GCN1: variants seen among roughly 807,000 people sequenced by gnomAD.
GCN1 encodes stalled ribosome sensor GCN1.
In GCN1, 90 loss-of-function variants were observed where a neutral mutation model predicts 288.4. The ratio of observed to expected loss-of-function variants is 0.31; its 90% CI spans 0.26 to 0.37. GCN1 has a LOEUF of 0.37. Ranked by LOEUF, GCN1 falls within the 10% of genes least tolerant of loss-of-function variation. GCN1 has a pLI of 1.00. For missense variants in GCN1, 2,586 were observed against 3,419.9 expected, an observed-to-expected ratio of 0.76 and a Z score of 6.08; for synonymous variants, 1,386 against 1,420.2, an observed-to-expected ratio of 0.98 and a Z score of 0.54.
intron 2 of GCN1, among the ~76,000 whole-genome samples, chr12:120,185,894 C>T (rs1315406243): frequency 1.3e-5 from 2 of 152,076 alleles, no homozygotes; most frequent in Non-Finnish European, 2.9e-5. Flanking sequence ...CCATCGCACC[C>T]GGATTAAGCC....
chr12:120,177,590 A>G, intron 8 of GCN1, 35 bp from the exon 9 acceptor site: 2 of 1,547,496 alleles, frequency 1.3e-6, no homozygotes, highest in Non-Finnish European at 1.8e-6. Context: ...CCTAGCCCTC[A>G]TGGGAACGGA....
chr12:120,131,094 G>A (rs1876802067), intron 55 of GCN1, 91 bp downstream of exon 55: 3 of 1,155,452 alleles, frequency 2.6e-6, no homozygotes, highest in Admixed American at 1.9e-5. Flanking sequence ...AGCTTCTTAA[G>A]CCCCAGTCTG....
chr12:120,182,838 G>T (rs1209963272), intron 5 of GCN1, among the ~76,000 whole-genome samples: 1 of 151,660 alleles, frequency 6.6e-6, no homozygotes, highest in Non-Finnish European at 1.5e-5. Flanking sequence ...CACTCGGGAG[G>T]CTGAGGCAAG....
At chr12:120,141,138 T>A in intron 44 of GCN1, 115 bp from the exon 45 acceptor site, 1 of 857,844 alleles carries the variant, frequency 1.2e-6, no homozygotes, top group Non-Finnish European at 1.8e-6. Context: ...ATCACTGACT[T>A]AACTTCCCCA....
intron 33 of GCN1, among the ~76,000 whole-genome samples, chr12:120,152,669 T>C (rs144962652): frequency 2.2e-3 from 304 of 139,156 alleles, no homozygotes; most frequent in African/African-American, 7.5e-3. Context: ...AAAATATATA[T>C]ATATAAATAT....
intron 54 of GCN1, among the ~76,000 whole-genome samples, chr12:120,131,696 C>T (rs1389544221): frequency 6.6e-6 from 1 of 152,220 alleles, no homozygotes; most frequent in Non-Finnish European, 1.5e-5. Context: ...TCACTGCAAC[C>T]TTCAACTCTT....
chr12:120,163,229 C>T lies in GCN1; in HGVS notation c.1879G>A (p.Ala627Thr). ...TTGCCTGCCTCAGTCACCTCTCCAGCATCAGTCACCAAAGCCTCTAAGGGC... is the reference window on the plus strand; with the variant it reads ...TTGCCTGCCTCAGTCACCTCTCCAGTATCAGTCACCAAAGCCTCTAAGGGC... ...VLPLEALVTD[A>T]GEVTEAGKAY... The change falls in exon 19 of 58, where the codon GCT becomes ACT. Residue 627 changes from alanine (A) to threonine (T), a missense_variant. Ala to Thr is a moderately conservative substitution (Grantham distance 58, BLOSUM62 0). Around this residue, in one of 8 missense-constraint regions of GCN1, gnomAD observed 913 missense variants for 1,107.0 expected, o/e 0.82. Coordinates refer to ENST00000300648, the MANE Select transcript of GCN1 (RefSeq NM_006836.2). 6.2e-7 allele frequency: 1 copy of T among 1,614,100 alleles called. No individual in the cohort carries two copies. Among genetic ancestry groups the T allele is most frequent in the Non-Finnish European group, 8.5e-7 (1 of 1,179,962 alleles).
intron 16 of GCN1, among the ~76,000 whole-genome samples, chr12:120,165,125 C>T (rs369097238): frequency 6.6e-6 from 1 of 151,836 alleles, no homozygotes; most frequent in South Asian, 2.1e-4. Context: ...GGGCTTACTG[C>T]AAGCTCCGCC....
Position 120,158,135 on chromosome 12 carries a change from G to T in GCN1, c.2906-105C>A. 2 of 1,136,292 alleles carry T rather than the reference G, an allele frequency of 1.8e-6. No individual in the cohort carries two copies. The highest frequency in any genetic ancestry group is 2.5e-6 in the Non-Finnish European group (2 of 792,790). The allele number at this position is 1,136,292 out of a possible 1,614,324, so 70.4% of individuals were successfully genotyped here. A position where few individuals can be genotyped will look rare whatever the true frequency, so the allele number is the denominator to read the frequency against. ...AAAGTAGGGAACGGATGGACCAGAG[G>T]CCCGTTCTGACACCTGGAAGCACAT... On this transcript the variant is annotated intron_variant, in intron 25 of 57. Transcript: ENST00000300648. The surrounding 1 kb of genome is among the most constrained non-coding windows in gnomAD (Gnocchi z 4.3).
At position 120,147,281 on chromosome 12, in the gene GCN1, C is replaced by T. The variant is rs745319593; in HGVS notation, c.4727-9G>A. 2.6e-6 allele frequency: 4 copies of T among 1,545,016 alleles called. No individual in the cohort carries two copies. Among genetic ancestry groups the T allele is most frequent in the Non-Finnish European group, 2.7e-6 (3 of 1,126,674 alleles). On this transcript the variant is annotated splice_polypyrimidine_tract_variant and intron_variant, in intron 37 of 57. Transcript: ENST00000300648. ...GAGGACTGGAGCAATGGCTGCACAT[C>T]CAAAGAGAAGAGAGCTGGATGATAT...
rs1479440705 is a variant in GCN1, at chr12:120,138,977, C to T, written c.5995-121G>A. 4 of 783,620 alleles carry T rather than the reference C, an allele frequency of 5.1e-6. No individual in the cohort carries two copies. In the Admixed American group the frequency reaches 1.0e-4, roughly 20 times the overall value. The allele number at this position is 783,620 out of a possible 1,614,324, so 48.5% of individuals were successfully genotyped here. A position where few individuals can be genotyped will look rare whatever the true frequency, so the allele number is the denominator to read the frequency against. On this transcript the variant is annotated intron_variant, in intron 45 of 57. Coordinates refer to ENST00000300648, the MANE Select transcript of GCN1 (RefSeq NM_006836.2). ...GGCCACCCTAACTCTCTTTGCCTGA[C>T]TTGTCTTTTAACTTAACTCTTTACT...
rs568900272 is a variant in GCN1, at chr12:120,131,304, G to A, written c.7444C>T (p.Arg2482Trp). The part of the protein sequence containing the change: ...ADVSGIDWMV[R>W]HGRSLALSVA... Reference sequence around the variant, plus strand: ...GAAAGTGCCAGGCTCCGCCCGTGCCGAACCATCCAGTCAATGCCGGACACG... The same window carrying A: ...GAAAGTGCCAGGCTCCGCCCGTGCCAAACCATCCAGTCAATGCCGGACACG... The change falls in exon 55 of 58, where the codon CGG becomes TGG. Residue 2482 changes from arginine (R) to tryptophan (W), a missense_variant. Arg to Trp is a moderately radical substitution (Grantham distance 101). This residue lies in a region of GCN1 where 355 missense variants were observed against 431.1 expected (regional missense o/e 0.82). Transcript: ENST00000300648. The A allele has an allele frequency of 9.9e-6, 16 of 1,614,000 alleles. No individual in the cohort carries two copies. Among genetic ancestry groups the A allele is most frequent in the African/African-American group, 4.0e-5 (3 of 75,052 alleles).
At position 120,162,902 on chromosome 12, in the gene GCN1, G is replaced by C; in HGVS notation, c.2108C>G (p.Thr703Ser). 1 of 1,614,100 alleles carries C rather than the reference G, an allele frequency of 6.2e-7. No individual in the cohort carries two copies. Among genetic ancestry groups the C allele is most frequent in the Non-Finnish European group, 8.5e-7 (1 of 1,179,938 alleles). ...RMKIDPEAFI[T>S]RHLDQIIPRM... ...GGGAATGATCTGATCCAGGTGCCTG[G>C]TGATAAAGGCTTCAGGATCGATCTT... The change falls in exon 20 of 58, where the codon ACC becomes AGC. Residue 703 changes from threonine to serine, a missense_variant. Transcript: ENST00000300648.
At chr12:120,168,159 A>G in intron 16 of GCN1, 49 bp downstream of exon 16, 1 of 1,125,254 alleles carries the variant, frequency 8.9e-7, no homozygotes, top group Non-Finnish European at 1.4e-6. Context: ...AGATTTTCCA[A>G]AGAGACTTTG....
At chr12:120,188,440 G>GGA (rs1251623199) in intron 2 of GCN1, among the ~76,000 whole-genome samples, 17 of 115,760 alleles carry the variant, frequency 1.5e-4, no homozygotes, top group African/African-American at 3.7e-4. Flanking sequence ...TCTCACCAAA[G>GGA]AAAAAAAAAA....
chr12:120,182,380 G>C (rs1438122396), intron 5 of GCN1, among the ~76,000 whole-genome samples: 1 of 152,082 alleles, frequency 6.6e-6, no homozygotes, highest in South Asian at 2.1e-4. Context: ...CCAGAGGTGC[G>C]CTGGATAAGC....
intron 2 of GCN1, among the ~76,000 whole-genome samples, chr12:120,187,857 T>C (rs1347927964): frequency 7.4e-6 from 1 of 134,670 alleles, no homozygotes; most frequent in Non-Finnish European, 1.6e-5. Flanking sequence ...GCCAATGCTA[T>C]ACGGTAAAAA....
intron 42 of GCN1, among the ~76,000 whole-genome samples, chr12:120,143,588 G>GAA (rs398055996): frequency 1.2e-4 from 14 of 119,568 alleles, no homozygotes; most frequent in South Asian, 2.9e-4. Flanking sequence ...TCTCAAAAAG[G>GAA]AAAAAAAAAA....
intron 16 of GCN1, among the ~76,000 whole-genome samples, chr12:120,165,057 T>A (rs970808058): frequency 6.8e-6 from 1 of 146,732 alleles, no homozygotes; most frequent in South Asian, 2.1e-4. Context: ...ATATATTTTT[T>A]TTTTTGAGAG....
Sources: gnomAD v4.1 joint callset for allele counts (sites outside exome capture counted in the v4.1 genomes callset) on GRCh38, gnomAD v4.1.1 for gene constraint, gnomAD v4.1.1 regional missense constraint, Gnocchi (gnomAD v3.1) non-coding constraint, MANE v1.5 for transcripts, NCBI Gene and HGNC (gene_info 2026-07-23, HGNC 2026-07-21) for gene names.